The following EXTL3 variants were observed in gnomAD, a reference collection of about 807,000 sequenced individuals.
The protein encoded by EXTL3 is exostosin-like 3.
EXTL3 carries 27 observed loss-of-function variants against 69.3 expected under a neutral mutation model. The observed-to-expected ratio is 0.39, with a 90% CI of 0.29 to 0.54. The LOEUF (loss-of-function observed/expected upper bound fraction) is 0.54. EXTL3 is among the 20% of genes least tolerant of loss of function. The pLI is 0.69. For missense variants in EXTL3, 1,003 were observed against 1,231.8 expected (o/e 0.81, Z 2.78); for synonymous variants, 511 against 499.4 (o/e 1.02, Z -0.31).
At chr8:28,677,224 A>G (rs138943042) in intron 1 of EXTL3, among the ~76,000 whole-genome samples, 4 of 152,292 alleles carry the variant, frequency 2.6e-5, no homozygotes, top group Non-Finnish European at 4.4e-5. Context: ...TCAAAGAGCT[A>G]TGGTGCCTGC....
intron 1 of EXTL3, among the ~76,000 whole-genome samples, chr8:28,642,614 G>C (rs1806762601): frequency 6.6e-6 from 1 of 151,866 alleles, no homozygotes; most frequent in African/African-American, 2.4e-5. Flanking sequence ...CAAGACCCTA[G>C]CATTACAAAA....
At chr8:28,698,357 T>G (rs540704125), upstream of EXTL3, 1 of 152,354 alleles carries the variant, frequency 6.6e-6, no homozygotes, top group Admixed American at 6.5e-5. Context: ...GATAGCCAGA[T>G]GAGCACACGA....
intron 2 of EXTL3, among the ~76,000 whole-genome samples, chr8:28,613,899 G>A (rs1043658349): frequency 4.6e-5 from 7 of 151,450 alleles, no homozygotes; most frequent in South Asian, 4.2e-4. Context: ...AGCTCACTGC[G>A]GCCTTGACCT....
chr8:28,737,557 C>T lies in EXTL3; in HGVS notation c.2315C>T (p.Pro772Leu). ...GCTCGGGACCGCATCGTGGGCTTCC[C>T]TGGCCGTTACCACGCATGGGACATC... ...REARDRIVGF[P>L]GRYHAWDIPH... is the part of the protein sequence containing the mutation. Residue 772 changes from proline to leucine, a missense_variant, in exon 5 of 7, where the codon CCT becomes CTT. Transcript: ENST00000220562. 1 of 1,614,064 alleles carries T rather than the reference C, an allele frequency of 6.2e-7. No individual in the cohort carries two copies. Among genetic ancestry groups the T allele is most frequent in the Non-Finnish European group, 8.5e-7 (1 of 1,179,902 alleles).
At chr8:28,735,306 A>C (rs1293420330) in intron 4 of EXTL3, among the ~76,000 whole-genome samples, 1 of 152,186 alleles carries the variant, frequency 6.6e-6, no homozygotes, top group Non-Finnish European at 1.5e-5. Context: ...TGTTAACAGG[A>C]GAACTGCCAA....
chr8:28,676,755 C>A (rs952763953), intron 1 of EXTL3, among the ~76,000 whole-genome samples: 4 of 152,150 alleles, frequency 2.6e-5, no homozygotes, highest in African/African-American at 9.7e-5. Context: ...AGAGGAAGAT[C>A]GCCCAAAGTG....
chr8:28,713,903 CTT>C (rs55737430), intron 2 of EXTL3, among the ~76,000 whole-genome samples: 1 of 113,782 alleles, frequency 8.8e-6, no homozygotes, highest in Non-Finnish European at 1.8e-5. Context: ...TTCTTTCTTT[CTT>C]TTTTTTTTTT....
intron 4 of EXTL3, 120 bp from the exon 5 acceptor site, chr8:28,737,399 G>C: frequency 9.5e-7 from 1 of 1,050,452 alleles, no homozygotes; most frequent in Admixed American, 1.8e-5. Context: ...TATTTTGAAA[G>C]GATACGAGAA....
Position 28,750,666 on chromosome 8 carries a change from C to T in EXTL3, c.2560C>T (p.Arg854Trp), listed in dbSNP as rs1173785722. ...TCTCTCCCGTTTCCAGGTGACCTCA[C>T]GGTGGACATTCCGATGCCCAGGATG... ...TRKPPIKVTS[R>W]WTFRCPGCPQ... The change falls in exon 7 of 7, where the codon CGG becomes TGG. Residue 854 changes from arginine to tryptophan, a missense_variant. Physicochemically the swap from Arg to Trp is moderately radical, Grantham distance 101. Coordinates refer to ENST00000220562, the MANE Select transcript of EXTL3 (RefSeq NM_001440.4). This position sits in a 1 kb window ranked among gnomAD's most constrained non-coding sequence, Gnocchi z 5.2. The T allele has an allele frequency of 6.2e-7, 1 of 1,613,914 alleles. No homozygotes were observed. Among genetic ancestry groups the T allele is most frequent in the Non-Finnish European group, 8.5e-7 (1 of 1,179,804 alleles).
chr8:28,607,840 C>T (rs1478843097), intron 2 of EXTL3: 5 of 152,338 alleles, frequency 3.3e-5, no homozygotes, highest in African/African-American at 9.7e-5. Context: ...AGGTGGGGCG[C>T]GGTGGCTCAC....
chr8:28,672,653 T>G (rs1476518866), intron 1 of EXTL3, among the ~76,000 whole-genome samples: 1 of 152,154 alleles, frequency 6.6e-6, no homozygotes, highest in African/African-American at 2.4e-5. Flanking sequence ...GGGTGGACCC[T>G]AGAAATCTGC....
At chr8:28,742,753 T>A in intron 5 of EXTL3, 1 of 280,172 alleles carries the variant, frequency 3.6e-6, no homozygotes, top group Non-Finnish European at 7.0e-6. Flanking sequence ...TTTTGGCCAT[T>A]GTTAGAGATA....
intron 1 of EXTL3, among the ~76,000 whole-genome samples, chr8:28,655,780 G>A (rs168468): frequency 0.38 from 57,125 of 151,948 alleles, 11,788 homozygotes; most frequent in African/African-American, 0.55. Context: ...AGCATGAGCT[G>A]CTGCACCTGG....
chr8:28,698,047 G>A (rs1448789821), upstream of EXTL3: 1 of 152,154 alleles, frequency 6.6e-6, no homozygotes, highest in East Asian at 1.9e-4. Flanking sequence ...TTCCAAGCCA[G>A]GATTTCAGTG....
chr8:28,713,018 C>T (rs1320953590), intron 1 of EXTL3, among the ~76,000 whole-genome samples: 1 of 152,194 alleles, frequency 6.6e-6, no homozygotes, highest in African/African-American at 2.4e-5. Flanking sequence ...AGTCAGCTCA[C>T]GGCCGATCTT....
chr8:28,649,807 C>G (rs564625533), intron 1 of EXTL3, among the ~76,000 whole-genome samples: 31 of 152,250 alleles, frequency 2.0e-4, no homozygotes, highest in African/African-American at 7.2e-4. Flanking sequence ...TCTCCCAAAT[C>G]ATGTATACAT....
At chr8:28,720,530 TAA>T (rs1188601706) in intron 3 of EXTL3, among the ~76,000 whole-genome samples, 2 of 152,234 alleles carry the variant, frequency 1.3e-5, no homozygotes, top group African/African-American at 4.8e-5. Context: ...ACTTATATGT[TAA>T]AATTCCTCAT....
chr8:28,717,213 C>A lies in EXTL3; in HGVS notation c.1154C>A (p.Ala385Glu). The A allele has an allele frequency of 6.2e-7, 1 of 1,614,206 alleles. No individual in the cohort carries two copies. Among genetic ancestry groups the A allele is most frequent in the East Asian group, 2.2e-5 (1 of 44,880 alleles). Residue 385 changes from alanine to glutamate, a missense_variant, in exon 3 of 7, where the codon GCG (alanine) becomes GAG (glutamate). Ala to Glu is a moderately radical substitution (Grantham distance 107). Around this residue, in one of 2 missense-constraint regions of EXTL3, gnomAD observed 742 missense variants for 815.4 expected, o/e 0.91. Coordinates refer to ENST00000220562, the MANE Select transcript of EXTL3 (RefSeq NM_001440.4). The surrounding 1 kb of genome is among the most constrained non-coding windows in gnomAD (Gnocchi z 8.3). Reference protein sequence around the residue: ...YDDRIIATLKAVQDSKLDQVL... With the variant: ...YDDRIIATLKEVQDSKLDQVL... ...GACCGGATCATTGCCACCCTGAAGG[C>A]GGTGCAGGACAGCAAGCTGGATCAG...
At chr8:28,650,804 A>T (rs1806908015) in intron 1 of EXTL3, among the ~76,000 whole-genome samples, 1 of 152,086 alleles carries the variant, frequency 6.6e-6, no homozygotes, top group Non-Finnish European at 1.5e-5. Context: ...AATATTATAC[A>T]GTCTAAATAC....
Sources: gnomAD v4.1 joint callset for allele counts (sites outside exome capture counted in the v4.1 genomes callset) on GRCh38, gnomAD v4.1.1 for gene constraint, gnomAD v4.1.1 regional missense constraint, Gnocchi (gnomAD v3.1) non-coding constraint, MANE v1.5 for transcripts, NCBI Gene and HGNC (gene_info 2026-07-23, HGNC 2026-07-21) for gene names.